The following EPHA6 variants were observed in gnomAD, a reference collection of about 807,000 sequenced individuals.
The protein encoded by EPHA6 is EPH receptor A6, also known as ephrin type-A receptor 6.
Under a neutral mutation model 112.0 loss-of-function variants are expected in EPHA6, and 50 were observed. The ratio of observed to expected loss-of-function variants is 0.45; its 90% CI spans 0.36 to 0.56. EPHA6 has a LOEUF of 0.56. EPHA6 is among the 20% of genes least tolerant of loss of function. EPHA6 has a pLI of 0.00. For synonymous variants in EPHA6, 529 were observed against 490.7 expected (o/e 1.08, Z -1.03); for missense variants, 1,280 against 1,417.4 (o/e 0.90, Z 1.56).
At chr3:96,937,960 G>T (rs1478838313) in intron 2 of EPHA6, among the ~76,000 whole-genome samples, 1 of 152,132 alleles carries the variant, frequency 6.6e-6, no homozygotes, top group Non-Finnish European at 1.5e-5. Context: ...CTGTTCCATT[G>T]GTCTATATCT....
intron 10 of EPHA6, among the ~76,000 whole-genome samples, chr3:97,508,025 G>C (rs994874405): frequency 6.6e-6 from 1 of 151,578 alleles, no homozygotes; most frequent in Non-Finnish European, 1.5e-5. Context: ...TCATTTTTTG[G>C]GTGTGTCTAT....
chr3:97,539,618 T>C (rs1157095873), intron 11 of EPHA6, among the ~76,000 whole-genome samples: 2 of 152,218 alleles, frequency 1.3e-5, no homozygotes, highest in African/African-American at 2.4e-5. Flanking sequence ...CCAAACTTGC[T>C]CCTCATTTCT....
chr3:97,500,169 A>C (rs73133099), intron 10 of EPHA6, among the ~76,000 whole-genome samples: 10,268 of 152,284 alleles, frequency 0.067, 472 homozygotes, highest in Middle Eastern at 0.13. Context: ...TCAGGATCAC[A>C]AATATTGCTG....
At chr3:96,892,459 G>T (rs2038021384) in intron 2 of EPHA6, among the ~76,000 whole-genome samples, 1 of 152,092 alleles carries the variant, frequency 6.6e-6, no homozygotes, top group Admixed American at 6.6e-5. Flanking sequence ...ATGACTTCAA[G>T]TGATCCACCT....
intron 3 of EPHA6, among the ~76,000 whole-genome samples, chr3:97,006,758 C>T (rs1010839904): frequency 3.9e-5 from 6 of 152,044 alleles, no homozygotes; most frequent in African/African-American, 1.2e-4. Context: ...TATAAATTTC[C>T]CTCTTAACAC....
At chr3:97,415,869 T>C (rs2107157709) in intron 6 of EPHA6, among the ~76,000 whole-genome samples, 1 of 152,250 alleles carries the variant, frequency 6.6e-6, no homozygotes, top group African/African-American at 2.4e-5. Flanking sequence ...TGAATTTGTT[T>C]GTTGATTTAG....
chr3:96,992,743 T>G (rs1459193800), intron 3 of EPHA6, among the ~76,000 whole-genome samples: 1 of 152,176 alleles, frequency 6.6e-6, no homozygotes, highest in Non-Finnish European at 1.5e-5. Context: ...TTTTTATAAT[T>G]TTTGAACAAT....
chr3:97,644,586 T>TA (rs1425245354), intron 14 of EPHA6, among the ~76,000 whole-genome samples: 1 of 151,710 alleles, frequency 6.6e-6, no homozygotes, highest in Non-Finnish European at 1.5e-5. Context: ...ATAGACACAA[T>TA]AAAAAATGAT....
chr3:97,105,690 A>G (rs1450773168), intron 3 of EPHA6, among the ~76,000 whole-genome samples: 1 of 152,090 alleles, frequency 6.6e-6, no homozygotes, highest in South Asian at 2.1e-4. Flanking sequence ...GGTTGAGTTC[A>G]GCTCCTGAAT....
At chr3:97,733,563 G>T (rs191322370) in intron 15 of EPHA6, among the ~76,000 whole-genome samples, 2 of 152,038 alleles carry the variant, frequency 1.3e-5, no homozygotes, top group Non-Finnish European at 2.9e-5. Context: ...ATTTATTAAT[G>T]TGTCAGGCAA....
chr3:96,946,750 A>G (rs577027167), intron 2 of EPHA6, among the ~76,000 whole-genome samples: 1 of 152,196 alleles, frequency 6.6e-6, no homozygotes, highest in Non-Finnish European at 1.5e-5. Context: ...GAATCGCCAC[A>G]CTGACTTCCA....
At position 96,987,733 on chromosome 3, in the gene EPHA6, T is replaced by C. The variant is rs1191638764; in HGVS notation, c.854T>C (p.Ile285Thr). The stretch of plus-strand genomic sequence containing the variant: ...GGATTTTATCTGGCTTTTCAAGACA[T>C]TGGGGCGTGCATTGCCCTGGTTTCA... ...RKGFYLAFQD[I>T]GACIALVSVR... Residue 285 changes from isoleucine (I) to threonine (T), a missense_variant, in exon 3 of 18, where the codon ATT becomes ACT. By Grantham distance (89) the Ile-to-Thr change is moderately conservative. Around this residue, in one of 4 missense-constraint regions of EPHA6, gnomAD observed 878 missense variants for 999.7 expected, o/e 0.88. Coordinates refer to ENST00000389672, the MANE Select transcript of EPHA6 (RefSeq NM_001080448.3). 3.1e-6 allele frequency: 5 copies of C among 1,612,170 alleles called. No individual in the cohort carries two copies. Among genetic ancestry groups the C allele is most frequent in the Middle Eastern group, 1.6e-4 (1 of 6,068 alleles).
intron 3 of EPHA6, among the ~76,000 whole-genome samples, chr3:97,149,700 A>G (rs2076125041): frequency 6.6e-6 from 1 of 151,890 alleles, no homozygotes; most frequent in African/African-American, 2.4e-5. Flanking sequence ...AAATCTTAAG[A>G]AATATGTAAA....
rs371100619 is a variant in EPHA6, at chr3:97,758,747, G to A, written c.*10046G>A. 1.9e-4 allele frequency among the ~76,000 whole-genome samples: 29 copies of A among 151,904 alleles called. No individual in the cohort carries two copies. The highest frequency in any genetic ancestry group is 7.0e-4 in the African/African-American group (29 of 41,406). ...CTGATATCTGAAAAGCATGAAGGAA[G>A]CATCCATGAGAAGATATGGGGGAAG... is the stretch of plus-strand genomic sequence containing the variant. On this transcript the variant is annotated 3_prime_UTR_variant, in exon 18 of 18. Coordinates refer to ENST00000389672, the MANE Select transcript of EPHA6 (RefSeq NM_001080448.3).
chr3:97,498,332 A>T (rs898244067), intron 10 of EPHA6, among the ~76,000 whole-genome samples: 647 of 120,534 alleles, frequency 5.4e-3, no homozygotes, highest in Non-Finnish European at 7.2e-3. Context: ...GAAAATAGCA[A>T]AAAAAAAAAA....
rs578255217 is a variant in EPHA6 at position 97,750,782 on chromosome 3, T to A, written c.*2081T>A. ...TTAATCCTTCTCATTTCAAAACAAA[T>A]GTGTAAAGCAAAGCTAGAAGGAAGA... On this transcript the variant is annotated 3_prime_UTR_variant, in exon 18 of 18. Transcript: ENST00000389672. Among the ~76,000 whole-genome samples, 3 of 152,276 alleles carry A rather than the reference T, an allele frequency of 2.0e-5. No individual in the cohort carries two copies. Among genetic ancestry groups the A allele is most frequent in the Admixed American group, 1.3e-4 (2 of 15,300 alleles).
Position 97,619,740 on chromosome 3 carries a change from T to G in EPHA6, c.2574+8886T>G, listed in dbSNP as rs181886906. 4.0e-3 allele frequency among the ~76,000 whole-genome samples: 602 copies of G among 151,928 alleles called. 6 individuals carry two copies. The highest frequency in any genetic ancestry group is 5.9e-3 in the Non-Finnish European group (402 of 67,826). On this transcript the variant is annotated intron_variant, in intron 13 of 17. Transcript: ENST00000389672. ...TGAAAGATCTCTACAAGGAAAACTA[T>G]AAACCACTACTCAAAGAAATCAGAG...
chr3:97,295,869 G>A (rs1242067833), intron 5 of EPHA6, among the ~76,000 whole-genome samples: 2 of 152,166 alleles, frequency 1.3e-5, no homozygotes, highest in Non-Finnish European at 2.9e-5. Context: ...TTTTGCTGGG[G>A]ATGGGGATAT....
intron 2 of EPHA6, among the ~76,000 whole-genome samples, chr3:96,941,392 G>A (rs1161843962): frequency 5.9e-5 from 9 of 151,926 alleles, no homozygotes; most frequent in East Asian, 1.9e-4. Context: ...TGATCGCATC[G>A]GCTCCTGAGG....
Sources: gnomAD v4.1 joint callset for allele counts (sites outside exome capture counted in the v4.1 genomes callset) on GRCh38, gnomAD v4.1.1 for gene constraint, gnomAD v4.1.1 regional missense constraint, MANE v1.5 for transcripts, NCBI Gene and HGNC (gene_info 2026-07-23, HGNC 2026-07-21) for gene names.